MYCBP2: variants seen among roughly 807,000 people sequenced by gnomAD.
The protein encoded by MYCBP2 is E3 ubiquitin-protein ligase MYCBP2.
A neutral mutation model predicts 525.3 loss-of-function variants in MYCBP2; 120 were observed. The ratio of observed to expected loss-of-function variants is 0.23; its 90% CI spans 0.20 to 0.27. The LOEUF (loss-of-function observed/expected upper bound fraction) is 0.27. MYCBP2 is among the 10% of genes least tolerant of loss of function. The pLI is 1.00. For synonymous variants in MYCBP2, 1,894 were observed against 1,955.8 expected (o/e 0.97, Z 0.83); for missense variants, 4,149 against 5,657.1 (o/e 0.73, Z 8.55).
chr13:77,072,026 C>A (rs571698348), intron 68 of MYCBP2, among the ~76,000 whole-genome samples: 2 of 152,068 alleles, frequency 1.3e-5, no homozygotes, highest in Non-Finnish European at 2.9e-5. Context: ...CAGTGGCTCA[C>A]GCCTGTAATC....
At position 77,251,233 on chromosome 13, in the gene MYCBP2, T is replaced by G. The variant is rs1183607975; in HGVS notation, c.2299A>C (p.Met767Leu). The G allele has an allele frequency of 6.2e-7, 1 of 1,614,082 alleles. No individual in the cohort carries two copies. The highest frequency in any genetic ancestry group is 1.3e-5 in the African/African-American group (1 of 74,938). The change falls in exon 15 of 83, where the codon ATG (methionine) becomes CTG (leucine). Residue 767 changes from methionine to leucine, a missense_variant. Met to Leu is a conservative substitution (Grantham distance 15). This residue lies in a region of MYCBP2 where 620 missense variants were observed against 795.5 expected (regional missense o/e 0.78). Coordinates refer to ENST00000544440, the MANE Select transcript of MYCBP2 (RefSeq NM_015057.5). ...CAGTCTCCACAGACAGTGCAAACCA[T>G]GCACTGCTCCAGCTTCCATTTGTGC... ...GMHKWKLEQC[M>L]VCTVCGDCTG...
At chr13:77,144,203 A>G in intron 49 of MYCBP2, 1 of 484,466 alleles carries the variant, frequency 2.1e-6, no homozygotes, top group Non-Finnish European at 3.7e-6. Flanking sequence ...CTGACTAGTA[A>G]CATCAGGAAA....
intron 17 of MYCBP2, among the ~76,000 whole-genome samples, chr13:77,237,700 C>G (rs1480646747): frequency 6.6e-6 from 1 of 151,884 alleles, no homozygotes; most frequent in Non-Finnish European, 1.5e-5. Flanking sequence ...AAACAGGACA[C>G]CAATATCTAT....
chr13:77,127,861 T>C (rs2051966514), intron 52 of MYCBP2, among the ~76,000 whole-genome samples: 1 of 151,868 alleles, frequency 6.6e-6, no homozygotes, highest in African/African-American at 2.4e-5. Flanking sequence ...AAAGTCACCA[T>C]TAACTTTCAC....
intron 54 of MYCBP2, among the ~76,000 whole-genome samples, chr13:77,122,467 C>G (rs1292168122): frequency 6.6e-6 from 1 of 151,888 alleles, no homozygotes; most frequent in Admixed American, 6.6e-5. Flanking sequence ...TTTGGGAGGC[C>G]AAGGCAGGCG....
At chr13:77,171,466 G>A in intron 38 of MYCBP2, 26 bp downstream of exon 38, 1 of 1,599,316 alleles carries the variant, frequency 6.3e-7, no homozygotes, top group Non-Finnish European at 8.5e-7. Flanking sequence ...TCTAAAATAT[G>A]ACTACTGAGA....
At chr13:77,162,547 G>C (rs1283291632) in intron 43 of MYCBP2, among the ~76,000 whole-genome samples, 1 of 152,082 alleles carries the variant, frequency 6.6e-6, no homozygotes, top group Non-Finnish European at 1.5e-5. Context: ...CCTCTAACCA[G>C]TGCCGTGCTC....
chr13:77,311,601 T>A (rs2080242246), intron 1 of MYCBP2, among the ~76,000 whole-genome samples: 1 of 143,860 alleles, frequency 7.0e-6, no homozygotes. Flanking sequence ...AAGAACCAAA[T>A]GTAAATGTTA....
chr13:77,085,242 T>C (rs1025189574), intron 62 of MYCBP2, among the ~76,000 whole-genome samples: 1 of 152,126 alleles, frequency 6.6e-6, no homozygotes, highest in Non-Finnish European at 1.5e-5. Flanking sequence ...TATAAATATT[T>C]TTCTTGTTAT....
intron 68 of MYCBP2, among the ~76,000 whole-genome samples, chr13:77,073,230 T>C (rs924796374): frequency 1.3e-5 from 2 of 152,096 alleles, no homozygotes; most frequent in African/African-American, 2.4e-5. Flanking sequence ...TAGCAATATA[T>C]GGATTATCTT....
intron 37 of MYCBP2, among the ~76,000 whole-genome samples, chr13:77,172,335 C>A (rs930236828): frequency 6.6e-6 from 1 of 151,866 alleles, no homozygotes; most frequent in Non-Finnish European, 1.5e-5. Flanking sequence ...AAGAGTGAAG[C>A]GTGATGGGTG....
At chr13:77,150,619 T>C in intron 47 of MYCBP2, 115 bp downstream of exon 47, 1 of 766,942 alleles carries the variant, frequency 1.3e-6, no homozygotes, top group Non-Finnish European at 2.1e-6. Context: ...AAATTTAATA[T>C]CCATCAAATG....
At chr13:77,321,007 A>G (rs9600865) in intron 1 of MYCBP2, among the ~76,000 whole-genome samples, 4,064 of 152,276 alleles carry the variant, frequency 0.027, 197 homozygotes, top group African/African-American at 0.091. Flanking sequence ...GAAGTGATGG[A>G]AACAGTCTAT....
chr13:77,212,284 G>A (rs1156366349), intron 21 of MYCBP2, 124 bp from the exon 22 acceptor site: 4 of 755,152 alleles, frequency 5.3e-6, no homozygotes, highest in Non-Finnish European at 7.9e-6. Context: ...TTGTTAGTTT[G>A]GGTTTTTAAA....
chr13:77,078,077 T>C (rs1264585929), intron 66 of MYCBP2: 1 of 152,230 alleles, frequency 6.6e-6, no homozygotes, highest in Non-Finnish European at 1.5e-5. Context: ...ATTAAGTTGA[T>C]ATTATTTTAA....
At chr13:77,280,827 T>C (rs2076115616) in intron 3 of MYCBP2, among the ~76,000 whole-genome samples, 2 of 152,254 alleles carry the variant, frequency 1.3e-5, no homozygotes, top group African/African-American at 2.4e-5. Context: ...TTCATCTGTC[T>C]GGGTTAAACA....
At position 77,168,177 on chromosome 13, in the gene MYCBP2, C is replaced by T. The variant is rs576304969; in HGVS notation, c.6114+251G>A. Among the ~76,000 whole-genome samples, 10 of 152,116 alleles carry T rather than the reference C, an allele frequency of 6.6e-5. No homozygotes were observed. In the South Asian group the frequency reaches 2.1e-3, roughly 32 times the overall value. On this transcript the variant is annotated intron_variant, in intron 40 of 82. Transcript: ENST00000544440. ...ACAGCATGAAGTTTAGCATTATATA[C>T]CACACTATACTTGTAGGAAGATTTA...
chr13:77,243,149 G>A lies in MYCBP2; in HGVS notation c.2539C>T (p.Pro847Ser), dbSNP rs748794302. 2.0e-5 allele frequency: 33 copies of A among 1,613,670 alleles called. No homozygotes were observed. Among genetic ancestry groups the A allele is most frequent in the Middle Eastern group, 3.3e-4 (2 of 6,084 alleles). ...AGGTGTTCTTCAATGTTAACCCCGG[G>A]CACTGGGACAGCTAGATGATTGGCC... ...PLDLLLAVPV[P>S]GVNIEEHLQL... Residue 847 changes from proline (P) to serine (S), a missense_variant, in exon 17 of 83, where the codon CCC becomes TCC. Pro to Ser is a moderately conservative substitution (Grantham distance 74). Transcript: ENST00000544440.
At chr13:77,078,288 G>T (rs1448173318) in intron 66 of MYCBP2, among the ~76,000 whole-genome samples, 1 of 152,212 alleles carries the variant, frequency 6.6e-6, no homozygotes, top group Non-Finnish European at 1.5e-5. Flanking sequence ...AGATAAAGTA[G>T]CCAGTGAGGA....
Sources: allele counts gnomAD v4.1 joint callset (sites outside exome capture counted in the v4.1 genomes callset), GRCh38; gene constraint gnomAD v4.1.1; regional missense constraint gnomAD v4.1.1; transcripts MANE v1.5; gene names NCBI Gene and HGNC (gene_info 2026-07-23, HGNC 2026-07-21).